OSBPL1A: variants seen among roughly 807,000 people sequenced by gnomAD.
OSBPL1A encodes oxysterol binding protein like 1A.
In OSBPL1A, 80 loss-of-function variants were observed where a neutral mutation model predicts 137.1. That is an observed-to-expected ratio of 0.58 (90% CI 0.49 to 0.70). The LOEUF is 0.70. Ranked by LOEUF, OSBPL1A falls within the 30% of genes least tolerant of loss-of-function variation. The pLI, the probability that OSBPL1A is intolerant of heterozygous loss-of-function variation, is 0.00. For missense variants in OSBPL1A, 970 were observed against 1,129.4 expected (o/e 0.86, Z 2.02); for synonymous variants, 365 against 389.7 (o/e 0.94, Z 0.75).
chr18:24,390,587 G>C (rs1349023707), intron 1 of OSBPL1A, among the ~76,000 whole-genome samples: 4 of 150,516 alleles, frequency 2.7e-5, no homozygotes, highest in Non-Finnish European at 4.4e-5. Context: ...TCCAGCTACT[G>C]GGGAGGCTGA....
chr18:24,372,456 A>T (rs1303003933), intron 2 of OSBPL1A, among the ~76,000 whole-genome samples: 1 of 151,918 alleles, frequency 6.6e-6, no homozygotes, highest in Non-Finnish European at 1.5e-5. Flanking sequence ...AGCTGAACTC[A>T]CCTGTCGTCC....
intron 17 of OSBPL1A, among the ~76,000 whole-genome samples, chr18:24,211,223 T>A (rs2087532044): frequency 6.6e-6 from 1 of 152,204 alleles, no homozygotes; most frequent in African/African-American, 2.4e-5. Flanking sequence ...TGCCTCGGCC[T>A]CCCAAAGTGC....
intron 15 of OSBPL1A, among the ~76,000 whole-genome samples, chr18:24,255,090 G>A (rs2089230887): frequency 6.6e-6 from 1 of 152,076 alleles, no homozygotes; most frequent in African/African-American, 2.4e-5. Context: ...CAATAAATTG[G>A]AAAATCTAGA....
chr18:24,287,640 G>T (rs561106443), intron 14 of OSBPL1A, among the ~76,000 whole-genome samples: 111 of 152,176 alleles, frequency 7.3e-4, no homozygotes, highest in Non-Finnish European at 1.1e-3. Context: ...GGGCGAGGTG[G>T]TACTTGCCTG....
intron 14 of OSBPL1A, among the ~76,000 whole-genome samples, chr18:24,285,352 C>A (rs2090049734): frequency 6.6e-6 from 1 of 152,112 alleles, no homozygotes; most frequent in Non-Finnish European, 1.5e-5. Context: ...ATCCAAATGG[C>A]TTCACTTATT....
chr18:24,206,417 C>A (rs1261664104), intron 17 of OSBPL1A, among the ~76,000 whole-genome samples: 1 of 152,214 alleles, frequency 6.6e-6, no homozygotes, highest in Non-Finnish European at 1.5e-5. Flanking sequence ...CCTTTCTTTT[C>A]TGCCATTTAA....
chr18:24,233,190 A>G (rs1351890911), intron 16 of OSBPL1A, among the ~76,000 whole-genome samples: 1 of 152,246 alleles, frequency 6.6e-6, no homozygotes, highest in African/African-American at 2.4e-5. Flanking sequence ...TTAACCAGTA[A>G]TAAGTGTTTC....
At chr18:24,195,977 C>T (rs2087019232) in intron 18 of OSBPL1A, 148 bp downstream of exon 18, 1 of 650,244 alleles carries the variant, frequency 1.5e-6, no homozygotes, top group Non-Finnish European at 2.7e-6. Context: ...AGAAAAAAGT[C>T]ACCTACGACT....
At chr18:24,390,467 CG>C (rs1286680059) in intron 1 of OSBPL1A, among the ~76,000 whole-genome samples, 1 of 151,904 alleles carries the variant, frequency 6.6e-6, no homozygotes, top group African/African-American at 2.4e-5. Flanking sequence ...CCAAGGCAGG[CG>C]ATCACTTGAG....
chr18:24,164,854 A>G (rs543436568), intron 27 of OSBPL1A, among the ~76,000 whole-genome samples: 3 of 152,358 alleles, frequency 2.0e-5, no homozygotes, highest in East Asian at 1.9e-4. Context: ...CACAATTCAC[A>G]ATAACAAAGA....
intron 2 of OSBPL1A, chr18:24,368,594 A>G: frequency 2.3e-6 from 1 of 438,296 alleles, no homozygotes; most frequent in Non-Finnish European, 4.2e-6. Context: ...TCACCTCTAA[A>G]GGGATAGAGG....
At chr18:24,376,575 G>C (rs748924609) in intron 2 of OSBPL1A, among the ~76,000 whole-genome samples, 108 of 152,332 alleles carry the variant, frequency 7.1e-4, no homozygotes, top group Non-Finnish European at 1.3e-3. Context: ...TGCACCATGC[G>C]CCCGCACTCC....
At chr18:24,274,675 A>G (rs2089803958) in intron 15 of OSBPL1A, among the ~76,000 whole-genome samples, 1 of 152,194 alleles carries the variant, frequency 6.6e-6, no homozygotes, top group African/African-American at 2.4e-5. Flanking sequence ...TGGGAGGCCA[A>G]GGCGAGTGTA....
chr18:24,163,134 A>T lies in OSBPL1A; in HGVS notation c.*45T>A. The T allele has an allele frequency of 7.0e-7, 1 of 1,420,734 alleles. No homozygotes were observed. The highest frequency in any genetic ancestry group is 9.8e-7 in the Non-Finnish European group (1 of 1,019,712). 88.0% of individuals were successfully genotyped at this position (1,420,734 alleles called of 1,614,324 possible). A position where few individuals can be genotyped will look rare whatever the true frequency, so the allele number is the denominator to read the frequency against. On this transcript the variant is annotated 3_prime_UTR_variant, in exon 28 of 28. Coordinates refer to ENST00000319481, the MANE Select transcript of OSBPL1A (RefSeq NM_080597.4). ...GAAAAAAATTTAAAAACATAGGTTT[A>T]AGACTTATTTGTAGATTAGCCAAAC...
intron 2 of OSBPL1A, among the ~76,000 whole-genome samples, chr18:24,377,077 G>A (rs986964907): frequency 6.6e-6 from 1 of 152,270 alleles, no homozygotes; most frequent in Admixed American, 6.5e-5. Context: ...TGCCGCCAAA[G>A]TGGGAGCCCA....
At chr18:24,372,167 C>T (rs1191037322) in intron 2 of OSBPL1A, among the ~76,000 whole-genome samples, 9 of 151,594 alleles carry the variant, frequency 5.9e-5, no homozygotes, top group Non-Finnish European at 1.5e-5. Flanking sequence ...CCCAGCTACT[C>T]CAGAGGCTGA....
At chr18:24,192,640 G>A (rs75947970) in intron 18 of OSBPL1A, among the ~76,000 whole-genome samples, 2,797 of 152,280 alleles carry the variant, frequency 0.018, 98 homozygotes, top group African/African-American at 0.063. Context: ...ACGTGCAGGT[G>A]CATGGGAGTG....
At chr18:24,327,468 A>G (rs142459452) in intron 7 of OSBPL1A, among the ~76,000 whole-genome samples, 1,699 of 151,992 alleles carry the variant, frequency 0.011, 28 homozygotes, top group African/African-American at 0.039. Flanking sequence ...GGAGTGCAGT[A>G]GCATGATCTC....
At chr18:24,347,108 A>G (rs2091359202) in intron 4 of OSBPL1A, among the ~76,000 whole-genome samples, 1 of 152,180 alleles carries the variant, frequency 6.6e-6, no homozygotes, top group Non-Finnish European at 1.5e-5. Context: ...TGATTTTGAA[A>G]GATATACTTT....
Sources: allele counts gnomAD v4.1 joint callset (sites outside exome capture counted in the v4.1 genomes callset), GRCh38; gene constraint gnomAD v4.1.1; transcripts MANE v1.5; gene names NCBI Gene and HGNC (gene_info 2026-07-23, HGNC 2026-07-21).